The following TRAM1L1 variants were observed in gnomAD, a reference collection of about 807,000 sequenced individuals.
TRAM1L1 encodes the protein translocation associated membrane protein 1 like 1.
For synonymous variants in TRAM1L1, 189 were observed against 163.6 expected (o/e 1.16, Z -1.18); for missense variants, 451 against 439.9 (o/e 1.03, Z -0.23).
rs1732442887 is a variant in TRAM1L1, at chr4:117,085,544, A to G, written c.-151T>C. ...GCAGCGGCCGCCCAGAAAAAAAATA[A>G]ATCAAAGGCGAGGGCCGAGCTGAGC... On this transcript the variant is annotated 5_prime_UTR_variant, in exon 1 of 1. Coordinates refer to ENST00000310754, the MANE Select transcript of TRAM1L1 (RefSeq NM_152402.3). The G allele has an allele frequency of 2.7e-6, 3 of 1,098,484 alleles. No homozygotes were observed. Among genetic ancestry groups the G allele is most frequent in the Non-Finnish European group, 3.8e-6 (3 of 779,836 alleles). 68.0% of individuals were successfully genotyped at this position (1,098,484 alleles called of 1,614,324 possible).
At position 117,085,570 on chromosome 4, in the gene TRAM1L1, T is replaced by A. The variant is rs1011435817; in HGVS notation, c.-177A>T. ...ATCAAAGGCGAGGGCCGAGCTGAGC[T>A]GAGCATGCGCACCAGGGGGACGGCG... On this transcript the variant is annotated 5_prime_UTR_variant, in exon 1 of 1. Transcript: ENST00000310754. 3 of 808,916 alleles carry A rather than the reference T, an allele frequency of 3.7e-6. No individual in the cohort carries two copies. Among genetic ancestry groups the A allele is most frequent in the Non-Finnish European group, 3.8e-6 (2 of 531,552 alleles). The allele number at this position is 808,916 out of a possible 1,614,324, so 50.1% of individuals were successfully genotyped here. A position where few individuals can be genotyped will look rare whatever the true frequency, so the allele number is the denominator to read the frequency against.
At position 117,085,290 on chromosome 4, in the gene TRAM1L1, AG is replaced by A. The variant is rs1732433320; in HGVS notation, c.103del (p.Leu35CysfsTer106). 6.2e-7 allele frequency: 1 copy of A among 1,614,128 alleles called. No individual in the cohort carries two copies. Among genetic ancestry groups the A allele is most frequent in the African/African-American group, 1.3e-5 (1 of 75,034 alleles). On this transcript the variant is annotated frameshift_variant, in exon 1 of 1. Coordinates refer to ENST00000310754, the MANE Select transcript of TRAM1L1 (RefSeq NM_152402.3). LOFTEE classifies it low-confidence loss of function (END_TRUNC). ...TGTTCCCTCGAACACAAGCCCCAGC[AG>A]GAAGAACATCCCCACGCAGGAGACG... ...DIVSCVGMFF[L>X]LGLVFEGTAE...
At position 117,085,358 on chromosome 4, in the gene TRAM1L1, G is replaced by C. The variant is rs113650718; in HGVS notation, c.36C>G (p.Pro12=). The part of the protein sequence containing the change: ...GLRKKSTKNP[P]VLSQEFILQN... ...GCAGGATGAATTCCTGGCTGAGAAC[G>C]GGGGGGTTCTTGGTGCTCTTCTTAC... Residue 12 remains proline (P), a synonymous_variant, in exon 1 of 1, where the codon CCC becomes CCG. Coordinates refer to ENST00000310754, the MANE Select transcript of TRAM1L1 (RefSeq NM_152402.3). The C allele has an allele frequency of 1.2e-5, 20 of 1,613,194 alleles. No homozygotes were observed. The African/African-American group carries it at 2.0e-4, about 16-fold the overall frequency.
rs1229551305 is a variant in TRAM1L1, at chr4:117,084,315, C to G, written c.1079G>C (p.Cys360Ser). The change falls in exon 1 of 1, where the codon TGT becomes TCT. Residue 360 changes from cysteine to serine, a missense_variant. By Grantham distance (112) the Cys-to-Ser change is moderately radical (BLOSUM62 -1). Transcript: ENST00000310754. ...VGVETSNRVDCPPKRKEKSS is the reference protein window; with the variant it reads ...VGVETSNRVDSPPKRKEKSS ...AGATTTCTCTTTCCTCTTTGGCGGACAGTCTACTCTATTTGAAGTTTCCAC... is the reference window on the plus strand; with the variant it reads ...AGATTTCTCTTTCCTCTTTGGCGGAGAGTCTACTCTATTTGAAGTTTCCAC... 6.2e-7 allele frequency: 1 copy of G among 1,611,160 alleles called. No homozygotes were observed. The highest frequency in any genetic ancestry group is 8.5e-7 in the Non-Finnish European group (1 of 1,179,232).
chr4:117,084,586 G>A lies in TRAM1L1; in HGVS notation c.808C>T (p.Leu270Phe), dbSNP rs1213301053. 6.2e-6 allele frequency: 10 copies of A among 1,614,050 alleles called. No individual in the cohort carries two copies. Among genetic ancestry groups the A allele is most frequent in the Non-Finnish European group, 8.5e-6 (10 of 1,180,048 alleles). The change falls in exon 1 of 1, where the codon CTC becomes TTC. Residue 270 changes from leucine (L) to phenylalanine (F), a missense_variant. Transcript: ENST00000310754. Reference sequence around the variant, plus strand: ...CCAGCCAGGTGAAACCCAACAGTGAGTACGGAAACAATTAAAGTCACAAGT... The same window carrying A: ...CCAGCCAGGTGAAACCCAACAGTGAATACGGAAACAATTAAAGTCACAAGT... ...GRLVTLIVSV[L>F]TVGFHLAGSQ...
Position 117,085,376 on chromosome 4 carries a change from C to A in TRAM1L1, c.18G>T (p.Lys6Asn). ...TGAGAACGGGGGGGTTCTTGGTGCT[C>A]TTCTTACGGAGCCCCATGGTGGCGC... MGLRK[K>N]STKNPPVLSQ... The change falls in exon 1 of 1, where the codon AAG becomes AAT. Residue 6 changes from lysine to asparagine, a missense_variant. By Grantham distance (94) the Lys-to-Asn change is moderately conservative (BLOSUM62 0). Coordinates refer to ENST00000310754, the MANE Select transcript of TRAM1L1 (RefSeq NM_152402.3). The A allele has an allele frequency of 6.2e-7, 1 of 1,610,278 alleles. No homozygotes were observed. Among genetic ancestry groups the A allele is most frequent in the African/African-American group, 1.3e-5 (1 of 74,956 alleles).
chr4:117,085,491 C>T lies in TRAM1L1; in HGVS notation c.-98G>A. Reference sequence around the variant, plus strand: ...CACGGTAGCAGCTCCGGGGGCTCCACTTCCCATCCCGAAGTCAGTCCCGGG... The same window carrying T: ...CACGGTAGCAGCTCCGGGGGCTCCATTTCCCATCCCGAAGTCAGTCCCGGG... On this transcript the variant is annotated 5_prime_UTR_variant, in exon 1 of 1. The change creates a new upstream start codon in the 5' untranslated region. Transcript: ENST00000310754. 3 of 1,483,258 alleles carry T rather than the reference C, an allele frequency of 2.0e-6. No homozygotes were observed. The South Asian group carries it at 4.0e-5, about 20-fold the overall frequency. The allele number at this position is 1,483,258 out of a possible 1,614,324, so 91.9% of individuals were successfully genotyped here. A position where few individuals can be genotyped will look rare whatever the true frequency, so the allele number is the denominator to read the frequency against.
In TRAM1L1 at chr4:117,084,862, G is replaced by A; in HGVS notation, c.532C>T (p.His178Tyr). ...FYISQLAYWF[H>Y]AFPELYFQKT... ...TGGAAGTAGAGTTCAGGAAAAGCAT[G>A]AAACCAGTAAGCCAACTGGGATATG... is the stretch of plus-strand genomic sequence containing the variant. The change falls in exon 1 of 1, where the codon CAT becomes TAT. Residue 178 changes from histidine (H) to tyrosine (Y), a missense_variant. By Grantham distance (83) the His-to-Tyr change is moderately conservative. Transcript: ENST00000310754. 3 of 1,614,180 alleles carry A rather than the reference G, an allele frequency of 1.9e-6. No homozygotes were observed. Among genetic ancestry groups the A allele is most frequent in the Non-Finnish European group, 2.5e-6 (3 of 1,180,020 alleles).
At position 117,084,866 on chromosome 4, in the gene TRAM1L1, C is replaced by T; in HGVS notation, c.528G>A (p.Trp176Ter). The T allele has an allele frequency of 6.2e-7, 1 of 1,614,040 alleles. No homozygotes were observed. The highest frequency in any genetic ancestry group is 1.1e-5 in the South Asian group (1 of 91,076). The change falls in exon 1 of 1, where the codon TGG becomes TGA. Residue 176 changes from tryptophan (W) to a stop codon, truncating the protein, a stop_gained. Coordinates refer to ENST00000310754, the MANE Select transcript of TRAM1L1 (RefSeq NM_152402.3). LOFTEE classifies it low-confidence loss of function (END_TRUNC). ...KFFYISQLAY[W>*]FHAFPELYFQ... ...AGTAGAGTTCAGGAAAAGCATGAAA[C>T]CAGTAAGCCAACTGGGATATGTAGA...
At position 117,084,011 on chromosome 4, in the gene TRAM1L1, G is replaced by T; in HGVS notation, c.*273C>A. 1 of 336,774 alleles carries T rather than the reference G, an allele frequency of 3.0e-6. No homozygotes were observed. The highest frequency in any genetic ancestry group is 2.1e-5 in the African/African-American group (1 of 46,926). The allele number at this position is 336,774 out of a possible 1,614,324, so 20.9% of individuals were successfully genotyped here. A position where few individuals can be genotyped will look rare whatever the true frequency, so the allele number is the denominator to read the frequency against. On this transcript the variant is annotated 3_prime_UTR_variant, in exon 1 of 1. Transcript: ENST00000310754. The stretch of plus-strand genomic sequence containing the variant: ...CTCTGCAAATCATTAGGAAAATGTT[G>T]AAAGGTTAAAAATCAAAACAAAATA...
Position 117,084,330 on chromosome 4 carries a change from G to A in TRAM1L1, c.1064C>T (p.Ser355Leu), listed in dbSNP as rs773583049. Reference protein sequence around the residue: ...RTENGVGVETSNRVDCPPKRK... With the variant: ...RTENGVGVETLNRVDCPPKRK... ...CTTTGGCGGACAGTCTACTCTATTT[G>A]AAGTTTCCACTCCCACTCCGTTTTC... is the stretch of plus-strand genomic sequence containing the variant. The change falls in exon 1 of 1, where the codon TCA becomes TTA. Residue 355 changes from serine to leucine, a missense_variant. Physicochemically the swap from Ser to Leu is moderately radical, Grantham distance 145. Coordinates refer to ENST00000310754, the MANE Select transcript of TRAM1L1 (RefSeq NM_152402.3). 1.2e-6 allele frequency: 2 copies of A among 1,613,928 alleles called. No homozygotes were observed. Among genetic ancestry groups the A allele is most frequent in the East Asian group, 2.2e-5 (1 of 44,876 alleles).
rs1732423244 is a variant in TRAM1L1, at chr4:117,084,983, T to A, written c.411A>T (p.Thr137=). The change falls in exon 1 of 1, where the codon ACA becomes ACT. Residue 137 remains threonine (T), a synonymous_variant. Coordinates refer to ENST00000310754, the MANE Select transcript of TRAM1L1 (RefSeq NM_152402.3). ...VFYFFSCIWG[T]FILISENCLS... is the part of the protein sequence containing the mutation. Reference sequence around the variant, plus strand: ...GGCAGTTTTCAGAGATTAAAATGAATGTGCCCCAAATACAAGAAAAAAAGT... The same window carrying A: ...GGCAGTTTTCAGAGATTAAAATGAAAGTGCCCCAAATACAAGAAAAAAAGT... 1 of 1,613,970 alleles carries A rather than the reference T, an allele frequency of 6.2e-7. No individual in the cohort carries two copies. The highest frequency in any genetic ancestry group is 1.3e-5 in the African/African-American group (1 of 74,892).
Position 117,084,405 on chromosome 4 carries a change from T to C in TRAM1L1, c.989A>G (p.Gln330Arg). 6.2e-7 allele frequency: 1 copy of C among 1,614,190 alleles called. No homozygotes were observed. The highest frequency in any genetic ancestry group is 8.5e-7 in the Non-Finnish European group (1 of 1,180,046). The change falls in exon 1 of 1, where the codon CAG becomes CGG. Residue 330 changes from glutamine (Q) to arginine (R), a missense_variant. Gln to Arg is a conservative substitution (Grantham distance 43, BLOSUM62 1). Transcript: ENST00000310754. ...LQRWVEDSNI[Q>R]ASCMKKKRSR... ...CCGTTTCTTTTTCATACATGAGGCC[T>C]GAATATTAGAATCTTCTACCCACCT... is the stretch of plus-strand genomic sequence containing the variant.
Position 117,084,278 on chromosome 4 carries a change from C to T in TRAM1L1, c.*6G>A, listed in dbSNP as rs201616626. The T allele has an allele frequency of 6.3e-7, 1 of 1,594,730 alleles. No individual in the cohort carries two copies. The highest frequency in any genetic ancestry group is 2.2e-5 in the East Asian group (1 of 44,768). ...TTGCAGACATTAATCAATGCGCTTG[C>T]AAAGATTATGAAGATTTCTCTTTCC... On this transcript the variant is annotated 3_prime_UTR_variant, in exon 1 of 1. Transcript: ENST00000310754.
rs2110394302 is a variant in TRAM1L1 at position 117,083,812 on chromosome 4, A to C, written c.*472T>G. On this transcript the variant is annotated 3_prime_UTR_variant, in exon 1 of 1. Transcript: ENST00000310754. ...TCTGAGTTGTAAGTTCTTAAAAAAT[A>C]AATTCTAACAATTACAGAATACTGA... The C allele has an allele frequency of 6.5e-6, 1 of 153,292 alleles. No homozygotes were observed. The highest frequency in any genetic ancestry group is 2.1e-4 in the South Asian group (1 of 4,838). The allele number at this position is 153,292 out of a possible 1,614,324, so 9.5% of individuals were successfully genotyped here.
At position 117,084,749 on chromosome 4, in the gene TRAM1L1, C is replaced by G. The variant is rs977108634; in HGVS notation, c.645G>C (p.Leu215Phe). The G allele has an allele frequency of 3.1e-6, 5 of 1,613,996 alleles. No homozygotes were observed. Among genetic ancestry groups the G allele is most frequent in the Non-Finnish European group, 4.2e-6 (5 of 1,180,044 alleles). ...CCAAAAGAAGAAGTCCCAAATGATT[C>G]AAGTACAAGAGATAAGCTCCAGTAA... ...FHITGAYLLY[L>F]NHLGLLLLVL... is the part of the protein sequence containing the mutation. Residue 215 changes from leucine to phenylalanine, a missense_variant, in exon 1 of 1, where the codon TTG (leucine) becomes TTC (phenylalanine). Physicochemically the swap from Leu to Phe is conservative, Grantham distance 22 (BLOSUM62 0). Coordinates refer to ENST00000310754, the MANE Select transcript of TRAM1L1 (RefSeq NM_152402.3).
Position 117,085,126 on chromosome 4 carries a change from C to T in TRAM1L1, c.268G>A (p.Ala90Thr). Residue 90 changes from alanine to threonine, a missense_variant, in exon 1 of 1, where the codon GCA becomes ACA. Transcript: ENST00000310754. ...TGAATTGTGGCATGAATAATGATTG[C>T]CACCAGCATGTAGAAGAAAACCGTG... is the stretch of plus-strand genomic sequence containing the variant. ...LATVFFYMLVAIIIHATIQEY... is the reference protein window; with the variant it reads ...LATVFFYMLVTIIIHATIQEY... 1 of 1,614,034 alleles carries T rather than the reference C, an allele frequency of 6.2e-7. No homozygotes were observed. The highest frequency in any genetic ancestry group is 2.2e-5 in the East Asian group (1 of 44,868).
In TRAM1L1 at chr4:117,084,740, C is replaced by T. The variant is rs775511064; in HGVS notation, c.654G>A (p.Leu218=). The change falls in exon 1 of 1, where the codon TTG becomes TTA. Residue 218 remains leucine (L), a synonymous_variant. Transcript: ENST00000310754. ...AATGCAGTACCAAAAGAAGAAGTCCCAAATGATTCAAGTACAAGAGATAAG... is the reference window on the plus strand; with the variant it reads ...AATGCAGTACCAAAAGAAGAAGTCCTAAATGATTCAAGTACAAGAGATAAG... ...TGAYLLYLNH[L]GLLLLVLHYF... The T allele has an allele frequency of 6.2e-6, 10 of 1,614,056 alleles. No individual in the cohort carries two copies. The highest frequency in any genetic ancestry group is 1.6e-4 in the Middle Eastern group (1 of 6,062).
rs1732431342 is a variant in TRAM1L1, at chr4:117,085,247, C to T, written c.147G>A (p.Val49=). The T allele has an allele frequency of 8.7e-6, 14 of 1,614,028 alleles. No homozygotes were observed. Among genetic ancestry groups the T allele is most frequent in the African/African-American group, 1.3e-5 (1 of 74,918 alleles). ...CAACACTGTGCTGAAGAGTGAGAAA[C>T]ACGATGGATGCTTCTGCTGTTCCCT... ...VFEGTAEASI[V]FLTLQHSVAV... is the part of the protein sequence containing the mutation. The change falls in exon 1 of 1, where the codon GTG becomes GTA. Residue 49 remains valine (V), a synonymous_variant. Transcript: ENST00000310754.
Sources: gnomAD v4.1 joint callset for allele counts on GRCh38, gnomAD v4.1.1 for gene constraint, MANE v1.5 for transcripts, NCBI Gene and HGNC (gene_info 2026-07-23, HGNC 2026-07-21) for gene names.